FBXL17: variants seen among roughly 807,000 people sequenced by gnomAD.
FBXL17 encodes the protein F-box and leucine rich repeat protein 17.
In FBXL17, 22 loss-of-function variants were observed where a neutral mutation model predicts 66.2. That is an observed-to-expected ratio of 0.33 (90% CI 0.24 to 0.47). The LOEUF (loss-of-function observed/expected upper bound fraction) is 0.47. FBXL17 is among the 20% of genes least tolerant of loss of function. The pLI, the probability that FBXL17 is intolerant of heterozygous loss-of-function variation, is 1.00. For synonymous variants in FBXL17, 474 were observed against 400.5 expected (o/e 1.18, Z -2.19); for missense variants, 878 against 948.2 (o/e 0.93, Z 0.97).
At chr5:108,193,557 G>C (rs1214207659) in intron 5 of FBXL17, among the ~76,000 whole-genome samples, 1 of 152,080 alleles carries the variant, frequency 6.6e-6, no homozygotes, top group Non-Finnish European at 1.5e-5. Flanking sequence ...ACAAGGGAGG[G>C]AACAAGGGGT....
At chr5:108,344,522 A>T (rs1747123873) in intron 4 of FBXL17, among the ~76,000 whole-genome samples, 1 of 151,980 alleles carries the variant, frequency 6.6e-6, no homozygotes, top group African/African-American at 2.4e-5. Context: ...CACACACATA[A>T]CGCATACAGA....
At chr5:107,894,918 T>TA (rs1749323067) in intron 7 of FBXL17, among the ~76,000 whole-genome samples, 1 of 152,134 alleles carries the variant, frequency 6.6e-6, no homozygotes, top group South Asian at 2.1e-4. Flanking sequence ...TGGAGTCATT[T>TA]AAAAAATTCT....
At chr5:108,135,558 T>C (rs964040633) in intron 6 of FBXL17, among the ~76,000 whole-genome samples, 1 of 152,148 alleles carries the variant, frequency 6.6e-6, no homozygotes, top group Non-Finnish European at 1.5e-5. Context: ...TTTGTGTCTA[T>C]CTTGCTTCAT....
intron 4 of FBXL17, among the ~76,000 whole-genome samples, chr5:108,251,378 A>T (rs1489914200): frequency 2.6e-5 from 4 of 151,956 alleles, no homozygotes; most frequent in Admixed American, 2.6e-4. Flanking sequence ...ATTTTCAGTT[A>T]TTATTATTTT....
At chr5:108,118,262 A>G (rs1750341688) in intron 6 of FBXL17, among the ~76,000 whole-genome samples, 1 of 152,096 alleles carries the variant, frequency 6.6e-6, no homozygotes, top group Non-Finnish European at 1.5e-5. Context: ...TTCAAACCCA[A>G]CTGAGTAAGG....
chr5:108,333,576 G>A (rs1338820472), intron 4 of FBXL17, among the ~76,000 whole-genome samples: 1 of 151,888 alleles, frequency 6.6e-6, no homozygotes, highest in Non-Finnish European at 1.5e-5. Flanking sequence ...ATCTAGTAGT[G>A]GTCAAATCTT....
chr5:107,986,083 G>T (rs1753000735), intron 7 of FBXL17, among the ~76,000 whole-genome samples: 2 of 151,994 alleles, frequency 1.3e-5, no homozygotes. Flanking sequence ...TTTGACTAGA[G>T]ATATAATCTA....
At chr5:108,011,440 A>T (rs1281028840) in intron 7 of FBXL17, among the ~76,000 whole-genome samples, 2 of 152,300 alleles carry the variant, frequency 1.3e-5, no homozygotes, top group East Asian at 1.9e-4. Context: ...TAGAACACAA[A>T]GCCACACTGA....
At chr5:108,354,443 A>T (rs1189401337) in intron 3 of FBXL17, among the ~76,000 whole-genome samples, 4 of 152,074 alleles carry the variant, frequency 2.6e-5, no homozygotes, top group Non-Finnish European at 5.9e-5. Flanking sequence ...ACTGAAAATC[A>T]GGAGAAAAAA....
intron 6 of FBXL17, among the ~76,000 whole-genome samples, chr5:108,044,844 G>A (rs1747188839): frequency 6.6e-6 from 1 of 152,044 alleles, no homozygotes; most frequent in Non-Finnish European, 1.5e-5. Context: ...AAACTTAGCT[G>A]TTTTGTATTG....
chr5:108,041,046 A>G (rs1395342719), intron 6 of FBXL17, among the ~76,000 whole-genome samples: 1 of 152,204 alleles, frequency 6.6e-6, no homozygotes, highest in African/African-American at 2.4e-5. Flanking sequence ...TCATCTTAAT[A>G]ACAACATGGA....
intron 6 of FBXL17, among the ~76,000 whole-genome samples, chr5:108,176,203 T>C (rs1211298046): frequency 6.6e-6 from 1 of 152,158 alleles, no homozygotes; most frequent in African/African-American, 2.4e-5. Context: ...TATAACGCCA[T>C]ATTCATCATC....
At chr5:108,128,830 GA>G (rs1465098910) in intron 6 of FBXL17, among the ~76,000 whole-genome samples, 7 of 151,974 alleles carry the variant, frequency 4.6e-5, no homozygotes. Context: ...ATACTGTAAG[GA>G]AAACAAACTT....
chr5:108,311,532 G>T (rs1344571999), intron 4 of FBXL17, among the ~76,000 whole-genome samples: 2 of 151,942 alleles, frequency 1.3e-5, no homozygotes, highest in Non-Finnish European at 2.9e-5. Context: ...ATGCTCCAAG[G>T]AAGTCTGAGT....
intron 4 of FBXL17, among the ~76,000 whole-genome samples, chr5:108,245,101 C>T (rs1023398292): frequency 3.3e-5 from 5 of 151,944 alleles, no homozygotes; most frequent in African/African-American, 9.7e-5. Flanking sequence ...GTATTTAACT[C>T]ATATAGATAT....
chr5:108,327,835 G>A (rs1160066578), intron 4 of FBXL17, among the ~76,000 whole-genome samples: 2 of 152,138 alleles, frequency 1.3e-5, no homozygotes, highest in Non-Finnish European at 2.9e-5. Flanking sequence ...AACGGCAGTT[G>A]GGAAGTTAAC....
At chr5:108,224,935 AT>A (rs1261705099) in intron 4 of FBXL17, among the ~76,000 whole-genome samples, 1 of 151,882 alleles carries the variant, frequency 6.6e-6, no homozygotes, top group African/African-American at 2.4e-5. Context: ...ACCAATATAT[AT>A]TTTTTTATTG....
At chr5:108,376,296 A>G (rs1387689429) in intron 1 of FBXL17, among the ~76,000 whole-genome samples, 2 of 152,216 alleles carry the variant, frequency 1.3e-5, no homozygotes, top group African/African-American at 4.8e-5. Flanking sequence ...CATGGAATAT[A>G]AACAAAAGGC....
chr5:108,021,912 A>T (rs1174317694), intron 6 of FBXL17, among the ~76,000 whole-genome samples: 1 of 151,914 alleles, frequency 6.6e-6, no homozygotes, highest in Non-Finnish European at 1.5e-5. Flanking sequence ...GGAAGTAAGG[A>T]TCAAGTAATT....
Sources: gnomAD v4.1 joint callset for allele counts (sites outside exome capture counted in the v4.1 genomes callset) on GRCh38, gnomAD v4.1.1 for gene constraint, MANE v1.5 for transcripts, NCBI Gene and HGNC (gene_info 2026-07-23, HGNC 2026-07-21) for gene names.